The following ULK4 variants were observed in gnomAD, a reference collection of about 807,000 sequenced individuals.
ULK4 encodes unc-51 like kinase 4.
ULK4 carries 133 observed loss-of-function variants against 160.6 expected under a neutral mutation model. That is an observed-to-expected ratio of 0.83 (90% CI 0.72 to 0.96). The LOEUF is 0.96. Ranked by LOEUF, ULK4 falls within the 40% of genes least tolerant of loss-of-function variation. The pLI is 0.00. For synonymous variants in ULK4, 534 were observed against 539.8 expected (o/e 0.99, Z 0.15); for missense variants, 1,580 against 1,499.5 (o/e 1.05, Z -0.89).
intron 30 of ULK4, among the ~76,000 whole-genome samples, chr3:41,619,438 T>G (rs565868653): frequency 6.6e-6 from 1 of 152,212 alleles, no homozygotes; most frequent in Admixed American, 6.6e-5. Flanking sequence ...CAGACCACAG[T>G]GCAATCAAAT....
intron 35 of ULK4, among the ~76,000 whole-genome samples, chr3:41,375,101 G>C (rs889960848): frequency 1.3e-5 from 2 of 152,108 alleles, no homozygotes; most frequent in African/African-American, 4.8e-5. Flanking sequence ...TCTTCAAGGA[G>C]AACTACAAAC....
intron 22 of ULK4, among the ~76,000 whole-genome samples, chr3:41,718,827 G>A (rs976664382): frequency 2.0e-5 from 3 of 152,032 alleles, no homozygotes; most frequent in African/African-American, 7.3e-5. Flanking sequence ...CATTTATGTG[G>A]CTCTCTCAAT....
intron 17 of ULK4, among the ~76,000 whole-genome samples, chr3:41,872,556 C>T (rs146222895): frequency 3.3e-5 from 4 of 120,500 alleles, no homozygotes; most frequent in African/African-American, 4.2e-5. Flanking sequence ...GCCAGTTAAA[C>T]GTACAGCTCA....
intron 29 of ULK4, among the ~76,000 whole-genome samples, chr3:41,672,651 G>A (rs1381142017): frequency 6.6e-6 from 1 of 152,130 alleles, no homozygotes; most frequent in Non-Finnish European, 1.5e-5. Context: ...CAGAGTGACT[G>A]TAGTTAACAA....
intron 30 of ULK4, among the ~76,000 whole-genome samples, chr3:41,639,595 G>A (rs1275944452): frequency 1.3e-5 from 2 of 152,104 alleles, no homozygotes; most frequent in Non-Finnish European, 2.9e-5. Context: ...GACCGTGGTG[G>A]TGCATGCCTG....
chr3:41,352,230 C>G (rs939114823), intron 35 of ULK4, among the ~76,000 whole-genome samples: 1 of 152,176 alleles, frequency 6.6e-6, no homozygotes, highest in East Asian at 1.9e-4. Flanking sequence ...TAGAGGATGA[C>G]TGGTGCCCCT....
intron 30 of ULK4, among the ~76,000 whole-genome samples, chr3:41,644,698 C>T (rs1372826112): frequency 6.6e-6 from 1 of 151,056 alleles, no homozygotes; most frequent in Admixed American, 6.6e-5. Context: ...CAGGATGATG[C>T]TGGCCTCATA....
At chr3:41,938,466 G>C (rs1257211056) in intron 2 of ULK4, among the ~76,000 whole-genome samples, 1 of 152,134 alleles carries the variant, frequency 6.6e-6, no homozygotes, top group African/African-American at 2.4e-5. Context: ...TGGATCACTT[G>C]AGGTCAGGAG....
chr3:41,272,515 C>T (rs976551965), intron 35 of ULK4, among the ~76,000 whole-genome samples: 6 of 151,760 alleles, frequency 4.0e-5, no homozygotes, highest in African/African-American at 1.5e-4. Context: ...TCCTTTTCCA[C>T]TGGCTGCTTT....
At chr3:41,767,165 T>A (rs1245169479) in intron 21 of ULK4, among the ~76,000 whole-genome samples, 1 of 152,220 alleles carries the variant, frequency 6.6e-6, no homozygotes, top group Non-Finnish European at 1.5e-5. Context: ...AAAGACATCC[T>A]TTTTGTCCGG....
intron 29 of ULK4, among the ~76,000 whole-genome samples, chr3:41,670,884 TCTA>T (rs1166749484): frequency 1.3e-5 from 2 of 152,106 alleles, no homozygotes; most frequent in Non-Finnish European, 2.9e-5. Context: ...ATCTTTATGC[TCTA>T]CTACCTACTG....
At chr3:41,807,029 G>A (rs956483039) in intron 19 of ULK4, among the ~76,000 whole-genome samples, 22 of 152,104 alleles carry the variant, frequency 1.4e-4, no homozygotes, top group African/African-American at 5.1e-4. Flanking sequence ...TTGGGAAGCT[G>A]AGGTAGGAGG....
chr3:41,615,544 G>T, intron 31 of ULK4, 125 bp downstream of exon 31: 1 of 840,026 alleles, frequency 1.2e-6, no homozygotes, highest in Non-Finnish European at 1.9e-6. Flanking sequence ...GGTTAAGTGT[G>T]ATGATGATGG....
intron 35 of ULK4, among the ~76,000 whole-genome samples, chr3:41,334,646 T>C (rs573575689): frequency 2.6e-5 from 4 of 152,118 alleles, no homozygotes; most frequent in African/African-American, 9.7e-5. Flanking sequence ...GCTCTCCAAA[T>C]GGGGCAGCAG....
intron 35 of ULK4, among the ~76,000 whole-genome samples, chr3:41,389,669 T>G (rs2081909153): frequency 6.6e-6 from 1 of 152,218 alleles, no homozygotes; most frequent in South Asian, 2.1e-4. Flanking sequence ...TATGCTGGAT[T>G]ATGTTTATTG....
Position 41,363,249 on chromosome 3 carries a change from T to C in ULK4, c.3678+34830A>G, listed in dbSNP as rs1181232944. The stretch of plus-strand genomic sequence containing the variant: ...CTGGTCCCCCAGGGGCTGAGGATTA[T>C]CTGTTAGCAGCAGGGAAGGGACAGG... On this transcript the variant is annotated intron_variant, in intron 35 of 36. Transcript: ENST00000301831. Among the ~76,000 whole-genome samples the C allele has an allele frequency of 2.0e-5, 3 of 152,332 alleles. No homozygotes were observed. The South Asian group carries it at 6.2e-4, about 32-fold the overall frequency.
intron 35 of ULK4, among the ~76,000 whole-genome samples, chr3:41,307,334 T>A (rs986267605): frequency 1.3e-5 from 2 of 152,152 alleles, no homozygotes; most frequent in East Asian, 3.9e-4. Flanking sequence ...AAGATTTAGA[T>A]ACCAGGGAGG....
At chr3:41,445,271 T>A (rs1222293304) in intron 34 of ULK4, among the ~76,000 whole-genome samples, 3 of 152,144 alleles carry the variant, frequency 2.0e-5, no homozygotes, top group Non-Finnish European at 2.9e-5. Flanking sequence ...GTAGGAAGAA[T>A]CAATATCGTG....
At position 41,506,767 on chromosome 3, in the gene ULK4, A is replaced by AAAAAAAAAATATATATATATAAATATAT; in HGVS notation, c.3227-43515_3227-43514insATATATTTATATATATATATTTTTTTTT. On this transcript the variant is annotated intron_variant, in intron 32 of 36. Transcript: ENST00000301831. ...AGCAATACACTGGAGTGTGATTTAA[A>AAAAAAAAAATATATATATATAAATATAT]ATATATATATATATATATATATATA... Among the ~76,000 whole-genome samples the AAAAAAAAAATATATATATATAAATATAT allele has an allele frequency of 1.2e-4, 7 of 56,766 alleles. 1 individual carries two copies. Among genetic ancestry groups the AAAAAAAAAATATATATATATAAATATAT allele is most frequent in the Non-Finnish European group, 2.2e-4 (7 of 31,988 alleles). 37.2% of individuals were successfully genotyped at this position (56,766 alleles called of 152,430 possible). A position where few individuals can be genotyped will look rare whatever the true frequency, so the allele number is the denominator to read the frequency against.
Sources: gnomAD v4.1 joint callset for allele counts (sites outside exome capture counted in the v4.1 genomes callset) on GRCh38, gnomAD v4.1.1 for gene constraint, MANE v1.5 for transcripts, NCBI Gene and HGNC (gene_info 2026-07-23, HGNC 2026-07-21) for gene names.